CDKN2B-AS1: variants seen among roughly 807,000 people sequenced by gnomAD.
CDKN2B-AS1 encodes CDKN2B antisense RNA 1 (non-protein coding).
chr9:22,113,325 C>G (rs13301964), intron 4 of CDKN2B-AS1, among the ~76,000 whole-genome samples: 2,213 of 152,314 alleles, frequency 0.015, 28 homozygotes, highest in Middle Eastern at 0.027. Context: ...AAATCCTTCT[C>G]ATTCTTTGAA....
chr9:22,073,487 G>C (rs1323680443), intron 4 of CDKN2B-AS1, among the ~76,000 whole-genome samples: 1 of 152,116 alleles, frequency 6.6e-6, no homozygotes, highest in East Asian at 1.9e-4. Flanking sequence ...TACCACCCTA[G>C]CACTATGAGT....
At chr9:22,112,789 A>G (rs767749244) in intron 4 of CDKN2B-AS1, among the ~76,000 whole-genome samples, 2 of 152,186 alleles carry the variant, frequency 1.3e-5, no homozygotes, top group Non-Finnish European at 2.9e-5. Flanking sequence ...CCAAAAAGCA[A>G]TCAATGTGAG....
intron 3 of CDKN2B-AS1, among the ~76,000 whole-genome samples, chr9:22,055,004 G>T (rs1823497854): frequency 6.6e-6 from 1 of 152,004 alleles, no homozygotes; most frequent in Non-Finnish European, 1.5e-5. Context: ...TGCCTGCCTT[G>T]GCCTCCCAAA....
At chr9:22,054,319 A>G (rs1021417907) in intron 3 of CDKN2B-AS1, among the ~76,000 whole-genome samples, 2 of 152,212 alleles carry the variant, frequency 1.3e-5, no homozygotes, top group Non-Finnish European at 2.9e-5. Flanking sequence ...ACATTTGTCT[A>G]CAAATCTAAA....
chr9:22,108,776 G>A (rs1052325360), intron 4 of CDKN2B-AS1, among the ~76,000 whole-genome samples: 2 of 152,110 alleles, frequency 1.3e-5, no homozygotes, highest in Non-Finnish European at 2.9e-5. Flanking sequence ...AATAACTGAT[G>A]AGGTCATACT....
chr9:22,008,407 A>G (rs553807997), intron 1 of CDKN2B-AS1, among the ~76,000 whole-genome samples: 35 of 152,280 alleles, frequency 2.3e-4, no homozygotes, highest in African/African-American at 7.7e-4. Flanking sequence ...ATGTACTATG[A>G]TTTTGTAGAA....
At chr9:22,047,543 A>G (rs996956579) in intron 2 of CDKN2B-AS1, among the ~76,000 whole-genome samples, 1 of 152,166 alleles carries the variant, frequency 6.6e-6, no homozygotes, top group Admixed American at 6.6e-5. Flanking sequence ...CTATAACATT[A>G]TAGTACATTA....
chr9:22,048,772 G>A (rs991140765), intron 2 of CDKN2B-AS1, among the ~76,000 whole-genome samples: 1 of 152,090 alleles, frequency 6.6e-6, no homozygotes, highest in African/African-American at 2.4e-5. Flanking sequence ...ATAGCTCTGT[G>A]AAAATTTTGC....
intron 4 of CDKN2B-AS1, among the ~76,000 whole-genome samples, chr9:22,113,248 C>T (rs1825849606): frequency 1.3e-5 from 2 of 152,144 alleles, no homozygotes; most frequent in South Asian, 4.1e-4. Flanking sequence ...AGGCTGCTGG[C>T]ATAATTTATT....
intron 1 of CDKN2B-AS1, among the ~76,000 whole-genome samples, chr9:22,019,353 T>C (rs533538236): frequency 6.6e-6 from 1 of 152,228 alleles, no homozygotes; most frequent in East Asian, 1.9e-4. Flanking sequence ...GTTCAGAGGA[T>C]AGGTTATGGT....
At chr9:22,116,807 C>T (rs1386984831) in intron 4 of CDKN2B-AS1, among the ~76,000 whole-genome samples, 1 of 152,172 alleles carries the variant, frequency 6.6e-6, no homozygotes, top group African/African-American at 2.4e-5. Flanking sequence ...TGAGATGTTA[C>T]TGGGGAGTTT....
chr9:22,054,026 T>C (rs1366658458), intron 3 of CDKN2B-AS1, among the ~76,000 whole-genome samples: 2 of 152,196 alleles, frequency 1.3e-5, no homozygotes, highest in Non-Finnish European at 2.9e-5. Context: ...CTTTAGGGCT[T>C]AGGGTCCTAA....
At chr9:22,033,675 T>A (rs1162976534) in intron 1 of CDKN2B-AS1, among the ~76,000 whole-genome samples, 1 of 152,196 alleles carries the variant, frequency 6.6e-6, no homozygotes. Context: ...GCCAGCAGAT[T>A]ATCATCCATA....
chr9:22,082,321 G>A (rs888432858), intron 4 of CDKN2B-AS1, among the ~76,000 whole-genome samples: 4 of 152,178 alleles, frequency 2.6e-5, no homozygotes, highest in Admixed American at 1.3e-4. Context: ...GCATAACTGT[G>A]TTTTGATTTC....
chr9:22,121,370 T>TAA (rs66653240), intron 4 of CDKN2B-AS1, among the ~76,000 whole-genome samples: 31 of 150,694 alleles, frequency 2.1e-4, no homozygotes, highest in East Asian at 1.4e-3. Context: ...CTTTTAAAAC[T>TAA]AAAAAAAAAC....
intron 4 of CDKN2B-AS1, among the ~76,000 whole-genome samples, chr9:22,110,349 G>A (rs1471935864): frequency 1.3e-5 from 2 of 152,062 alleles, no homozygotes; most frequent in Non-Finnish European, 2.9e-5. Flanking sequence ...ACTATCACTT[G>A]GATGAGTAAA....
At chr9:22,103,204 C>T (rs920276616) in intron 4 of CDKN2B-AS1, among the ~76,000 whole-genome samples, 6 of 144,576 alleles carry the variant, frequency 4.2e-5, no homozygotes, top group African/African-American at 1.5e-4. Flanking sequence ...GGGAGGGGTG[C>T]CCAGAAAACC....
chr9:22,034,553 G>A (rs1248259764), intron 1 of CDKN2B-AS1, among the ~76,000 whole-genome samples: 1 of 152,124 alleles, frequency 6.6e-6, no homozygotes, highest in African/African-American at 2.4e-5. Context: ...GAATGTCTTA[G>A]TGTAGCTGTT....
chr9:22,008,926 T>G (rs1456670839), intron 1 of CDKN2B-AS1: 6 of 1,612,774 alleles, frequency 3.7e-6, no homozygotes, highest in Non-Finnish European at 3.4e-6. Flanking sequence ...CCGCCCCCAC[T>G]GGGCATGCCC....
Sources: gnomAD v4.1 joint callset for allele counts (sites outside exome capture counted in the v4.1 genomes callset) on GRCh38, gnomAD v4.1.1 for gene constraint, MANE v1.5 for transcripts, NCBI Gene and HGNC (gene_info 2026-07-23, HGNC 2026-07-21) for gene names.